The following TEX14 variants were observed in gnomAD, a reference collection of about 807,000 sequenced individuals.
The protein encoded by TEX14 is inactive serine/threonine-protein kinase TEX14.
In TEX14, 168 loss-of-function variants were observed where a neutral mutation model predicts 178.6. The observed-to-expected ratio is 0.94, with a 90% CI of 0.83 to 1.07. The LOEUF (loss-of-function observed/expected upper bound fraction) is 1.07, where lower values mean the gene tolerates loss of function less well. TEX14 is among the 50% of genes least tolerant of loss of function. The pLI, the probability that TEX14 is intolerant of heterozygous loss-of-function variation, is 0.00. For synonymous variants in TEX14, 626 were observed against 634.1 expected, an observed-to-expected ratio of 0.99 and a Z score of 0.19; for missense variants, 1,730 against 1,753.6, an observed-to-expected ratio of 0.99 and a Z score of 0.24.
intron 9 of TEX14, 26 bp from the exon 10 acceptor site, chr17:58,611,365 G>GAAAAAAAAAA (rs78193625): frequency 2.2e-6 from 3 of 1,336,272 alleles, no homozygotes; most frequent in South Asian, 1.4e-5. Flanking sequence ...GAAATGCCAC[G>GAAAAAAAAAA]AAAAAAAAAA....
chr17:58,595,184 CAATAT>C (rs1204639377), intron 14 of TEX14, among the ~76,000 whole-genome samples: 1 of 151,694 alleles, frequency 6.6e-6, no homozygotes, highest in Non-Finnish European at 1.5e-5. Flanking sequence ...CGTTTTCATT[CAATAT>C]AATTAAAATT....
chr17:58,598,855 T>A, intron 14 of TEX14, 21 bp downstream of exon 14: 1 of 1,558,778 alleles, frequency 6.4e-7, no homozygotes. Flanking sequence ...TGCCAAAATG[T>A]CCCCCTTGAA....
intron 1 of TEX14, among the ~76,000 whole-genome samples, chr17:58,673,734 T>C (rs2047342296): frequency 6.6e-6 from 1 of 151,814 alleles, no homozygotes; most frequent in Non-Finnish European, 1.5e-5. Flanking sequence ...GCTAATTTTT[T>C]CAATCTTTTT....
intron 2 of TEX14, among the ~76,000 whole-genome samples, chr17:58,643,500 C>G (rs1469343758): frequency 6.6e-6 from 1 of 151,874 alleles, no homozygotes; most frequent in Non-Finnish European, 1.5e-5. Flanking sequence ...GCTGCAGTGG[C>G]ATGTGAGTCT....
intron 1 of TEX14, among the ~76,000 whole-genome samples, chr17:58,684,963 C>CA (rs1326842066): frequency 5.9e-5 from 9 of 151,538 alleles, no homozygotes; most frequent in East Asian, 5.8e-4. Context: ...CTCAGTCCCC[C>CA]AAAAAATCAT....
chr17:58,591,726 CA>C (rs940053371), intron 15 of TEX14, among the ~76,000 whole-genome samples: 3 of 142,282 alleles, frequency 2.1e-5, no homozygotes, highest in African/African-American at 7.8e-5. Flanking sequence ...AAAAAAAAAA[CA>C]AAAAAAAACT....
chr17:58,602,892 C>A (rs1372668800), intron 11 of TEX14, among the ~76,000 whole-genome samples: 2 of 150,976 alleles, frequency 1.3e-5, no homozygotes, highest in African/African-American at 2.4e-5. Context: ...ATGGTGAAAT[C>A]CCCTCTCTAC....
At chr17:58,671,160 C>T (rs2047298549) in intron 1 of TEX14, among the ~76,000 whole-genome samples, 1 of 152,118 alleles carries the variant, frequency 6.6e-6, no homozygotes, top group African/African-American at 2.4e-5. Context: ...CTAATTCTGT[C>T]TTTGGCAGTG....
At chr17:58,653,507 T>C (rs372432828) in intron 1 of TEX14, among the ~76,000 whole-genome samples, 1 of 152,186 alleles carries the variant, frequency 6.6e-6, no homozygotes, top group Non-Finnish European at 1.5e-5. Context: ...CTTTAAGATG[T>C]GTTTAGGTCA....
At chr17:58,607,141 T>C (rs1286640048) in intron 10 of TEX14, among the ~76,000 whole-genome samples, 1 of 151,052 alleles carries the variant, frequency 6.6e-6, no homozygotes, top group African/African-American at 2.4e-5. Flanking sequence ...CCTAGTAGAG[T>C]GTTACCAAAA....
intron 18 of TEX14, 141 bp from the exon 19 acceptor site, chr17:58,584,741 G>A: frequency 1.5e-6 from 1 of 677,314 alleles, no homozygotes; most frequent in Non-Finnish European, 2.6e-6. Context: ...GTTCAGTCCA[G>A]AGAGTAGAGA....
chr17:58,591,080 G>T (rs1245337170), intron 15 of TEX14, among the ~76,000 whole-genome samples: 1 of 152,090 alleles, frequency 6.6e-6, no homozygotes, highest in Non-Finnish European at 1.5e-5. Context: ...CCGAGCAGGG[G>T]AGGCCACAAC....
intron 27 of TEX14, 57 bp downstream of exon 27, chr17:58,565,690 G>A: frequency 7.6e-7 from 1 of 1,309,472 alleles, no homozygotes; most frequent in Non-Finnish European, 1.1e-6. Context: ...GTACCACTGT[G>A]TTGCCAAGGA....
chr17:58,557,275 CTT>C (rs59283518), intron 31 of TEX14, among the ~76,000 whole-genome samples: 1 of 144,674 alleles, frequency 6.9e-6, no homozygotes, highest in Non-Finnish European at 1.5e-5. Flanking sequence ...TAAACCTGTT[CTT>C]TTTTTTTTTT....
chr17:58,661,403 C>T (rs780216124), intron 1 of TEX14: 7 of 863,578 alleles, frequency 8.1e-6, no homozygotes, highest in East Asian at 2.4e-5. Context: ...ATCTTCATTT[C>T]GGCTGAACAA....
intron 3 of TEX14, among the ~76,000 whole-genome samples, chr17:58,626,427 G>C (rs568228981): frequency 1.3e-5 from 2 of 151,966 alleles, no homozygotes; most frequent in Non-Finnish European, 2.9e-5. Context: ...AAAATTAGCC[G>C]GGCATAGTGG....
At chr17:58,659,152 A>G (rs894128862) in intron 1 of TEX14, among the ~76,000 whole-genome samples, 9 of 151,214 alleles carry the variant, frequency 6.0e-5, no homozygotes, top group Non-Finnish European at 1.3e-4. Flanking sequence ...ATCACAGGAC[A>G]GAAAAGCGCA....
intron 1 of TEX14, among the ~76,000 whole-genome samples, chr17:58,654,798 C>T (rs1208042394): frequency 6.6e-6 from 1 of 151,976 alleles, no homozygotes; most frequent in Non-Finnish European, 1.5e-5. Context: ...TGAGCCACCG[C>T]ACCTGGCCAA....
chr17:58,567,487 G>A (rs1241001247), intron 26 of TEX14, among the ~76,000 whole-genome samples: 1 of 152,068 alleles, frequency 6.6e-6, no homozygotes, highest in East Asian at 1.9e-4. Context: ...GTAGTCCTGC[G>A]CAGATCTTAA....
Sources: allele counts gnomAD v4.1 joint callset (sites outside exome capture counted in the v4.1 genomes callset), GRCh38; gene constraint gnomAD v4.1.1; transcripts MANE v1.5; gene names NCBI Gene and HGNC (gene_info 2026-07-23, HGNC 2026-07-21).